The following ANKRD13B variants were observed in gnomAD, a reference collection of about 807,000 sequenced individuals.
ANKRD13B encodes the protein ankyrin repeat domain-containing protein 13B.
A neutral mutation model predicts 74.4 loss-of-function variants in ANKRD13B; 33 were observed. The observed-to-expected ratio is 0.44, with a 90% CI of 0.34 to 0.59. ANKRD13B has a LOEUF of 0.59. Ranked by LOEUF, ANKRD13B falls within the 20% of genes least tolerant of loss-of-function variation. ANKRD13B has a pLI of 0.02. For missense variants in ANKRD13B, 676 were observed against 877.9 expected, an observed-to-expected ratio of 0.77 and a Z score of 2.91; for synonymous variants, 341 against 362.9, an observed-to-expected ratio of 0.94 and a Z score of 0.68.
rs1415772492 is a variant in ANKRD13B, at chr17:29,612,540, G to A, written c.1397G>A (p.Ser466Asn). ...GGCAGCGACTCCTCCAGCGTCAGCA[G>A]CTCCAGCTCCACGAGTGAGGCCCCC... The part of the protein sequence containing the change: ...SPGSDSSSVS[S>N]SSSTTSCRGC... The change falls in exon 12 of 15, where the codon AGC (serine) becomes AAC (asparagine). Residue 466 changes from serine (S) to asparagine (N), a missense_variant. Ser to Asn is a conservative substitution (Grantham distance 46). Coordinates refer to ENST00000394859, the MANE Select transcript of ANKRD13B (RefSeq NM_152345.5). This position sits in a 1 kb window ranked among gnomAD's most constrained non-coding sequence, Gnocchi z 6.1. 3 of 1,453,982 alleles carry A rather than the reference G, an allele frequency of 2.1e-6. No homozygotes were observed. The highest frequency in any genetic ancestry group is 9.2e-7 in the Non-Finnish European group (1 of 1,088,612). The allele number at this position is 1,453,982 out of a possible 1,614,324, so 90.1% of individuals were successfully genotyped here. A position where few individuals can be genotyped will look rare whatever the true frequency, so the allele number is the denominator to read the frequency against.
chr17:29,598,241 G>GA (rs1359840548), intron 1 of ANKRD13B, among the ~76,000 whole-genome samples: 2 of 152,062 alleles, frequency 1.3e-5, no homozygotes, highest in East Asian at 3.9e-4. Context: ...CCAGTATATT[G>GA]AAAAATGAAG....
At chr17:29,602,162 G>A (rs1297533197) in intron 1 of ANKRD13B, among the ~76,000 whole-genome samples, 1 of 152,148 alleles carries the variant, frequency 6.6e-6, no homozygotes, top group East Asian at 1.9e-4. Context: ...TTGGGAGGCC[G>A]AGGCGGGCGG....
At chr17:29,610,812 G>A (rs1334796152) in intron 8 of ANKRD13B, 46 bp downstream of exon 8, 2 of 1,580,688 alleles carry the variant, frequency 1.3e-6, no homozygotes, top group Non-Finnish European at 1.7e-6. Context: ...AGGACTGCGG[G>A]AACCAGCTCC....
chr17:29,603,369 G>A (rs920343588), intron 1 of ANKRD13B, among the ~76,000 whole-genome samples: 4 of 151,994 alleles, frequency 2.6e-5, no homozygotes, highest in Non-Finnish European at 5.9e-5. Flanking sequence ...AGCTTCAGAG[G>A]AGCTGGGACT....
rs753338763 is a variant in ANKRD13B, at chr17:29,612,020, C to G, written c.1100+14C>G. On this transcript the variant is annotated intron_variant, in intron 10 of 14. Coordinates refer to ENST00000394859, the MANE Select transcript of ANKRD13B (RefSeq NM_152345.5). The surrounding 1 kb of genome is among the most constrained non-coding windows in gnomAD (Gnocchi z 6.1). ...CAAGACACAGAAGTGAGGCCCCTGCCGGTGCTGGGAAGGTGGGGGGCCGGG... is the reference window on the plus strand; with the variant it reads ...CAAGACACAGAAGTGAGGCCCCTGCGGGTGCTGGGAAGGTGGGGGGCCGGG... The G allele has an allele frequency of 6.2e-7, 1 of 1,610,542 alleles. No individual in the cohort carries two copies. Among genetic ancestry groups the G allele is most frequent in the Non-Finnish European group, 8.5e-7 (1 of 1,178,166 alleles).
At chr17:29,598,721 T>C (rs2034048688) in intron 1 of ANKRD13B, among the ~76,000 whole-genome samples, 1 of 152,012 alleles carries the variant, frequency 6.6e-6, no homozygotes, top group Non-Finnish European at 1.5e-5. Flanking sequence ...CTAATTTTTG[T>C]ATTTTTTTTT....
chr17:29,612,309 C>A lies in ANKRD13B; in HGVS notation c.1258+36C>A. 6.2e-7 allele frequency: 1 copy of A among 1,612,254 alleles called. No individual in the cohort carries two copies. Among genetic ancestry groups the A allele is most frequent in the Non-Finnish European group, 8.5e-7 (1 of 1,178,710 alleles). ...ACGGCCATTTCTCCTGAGCCCGTGG[C>A]GGGCCGACCGGGGTTTAGATGAGGT... On this transcript the variant is annotated intron_variant, in intron 11 of 14. Coordinates refer to ENST00000394859, the MANE Select transcript of ANKRD13B (RefSeq NM_152345.5). This position sits in a 1 kb window ranked among gnomAD's most constrained non-coding sequence, Gnocchi z 6.1.
rs753764117 is a variant in ANKRD13B, at chr17:29,607,772, C to T, written c.145C>T (p.Arg49Trp). ...VDIEQLDPRG[R>W]TPLHLATTLG... ...CATCGAGCAGCTGGATCCCCGCGGC[C>T]GGACTCCCCTGCACCTGGCCACCAC... Residue 49 changes from arginine (R) to tryptophan (W), a missense_variant, in exon 2 of 15, where the codon CGG (arginine) becomes TGG (tryptophan). Physicochemically the swap from Arg to Trp is moderately radical, Grantham distance 101 (BLOSUM62 -3). Around this residue, in one of 4 missense-constraint regions of ANKRD13B, gnomAD observed 88 missense variants for 87.8 expected, o/e 1.00. Transcript: ENST00000394859. 1.2e-6 allele frequency: 2 copies of T among 1,601,520 alleles called. No individual in the cohort carries two copies. Among genetic ancestry groups the T allele is most frequent in the Non-Finnish European group, 1.7e-6 (2 of 1,179,652 alleles).
Position 29,614,761 on chromosome 17 carries a change from A to C in ANKRD13B, c.*1179A>C, listed in dbSNP as rs2034756594. ...ACAAATAAAAGAGGCTTCATACCGG[A>C]GGCTTTTGCTACCTAACTTTACTTG... is the stretch of plus-strand genomic sequence containing the variant. On this transcript the variant is annotated 3_prime_UTR_variant, in exon 15 of 15. Coordinates refer to ENST00000394859, the MANE Select transcript of ANKRD13B (RefSeq NM_152345.5). 1 of 152,518 alleles carries C rather than the reference A, an allele frequency of 6.6e-6. No individual in the cohort carries two copies. Among genetic ancestry groups the C allele is most frequent in the African/African-American group, 2.4e-5 (1 of 41,458 alleles). The allele number at this position is 152,518 out of a possible 1,614,324, so 9.4% of individuals were successfully genotyped here. A position where few individuals can be genotyped will look rare whatever the true frequency, so the allele number is the denominator to read the frequency against.
intron 1 of ANKRD13B, among the ~76,000 whole-genome samples, chr17:29,597,788 TG>T (rs2034005719): frequency 6.6e-6 from 1 of 152,020 alleles, no homozygotes; most frequent in Admixed American, 6.6e-5. Flanking sequence ...ATGGGGTGTA[TG>T]GGGTGCTGAG....
chr17:29,593,617 G>C lies in ANKRD13B; in HGVS notation c.-5G>C, dbSNP rs1243008958. 2.1e-5 allele frequency: 28 copies of C among 1,342,304 alleles called. No homozygotes were observed. The highest frequency in any genetic ancestry group is 2.5e-5 in the Non-Finnish European group (26 of 1,030,688). 83.1% of individuals were successfully genotyped at this position (1,342,304 alleles called of 1,614,324 possible). On this transcript the variant is annotated 5_prime_UTR_variant, in exon 1 of 15. Coordinates refer to ENST00000394859, the MANE Select transcript of ANKRD13B (RefSeq NM_152345.5). ...GCGCCGCGGCCCCGGCATGAGGAGC[G>C]GGCGATGATCCCCGCCAACGCCTCC...
chr17:29,605,970 T>G (rs1192649006), intron 1 of ANKRD13B, among the ~76,000 whole-genome samples: 2 of 151,656 alleles, frequency 1.3e-5, no homozygotes, highest in African/African-American at 4.8e-5. Flanking sequence ...TGGAGTGCAG[T>G]GGCATGATCT....
intron 1 of ANKRD13B, among the ~76,000 whole-genome samples, chr17:29,597,340 C>T (rs1014661610): frequency 2.0e-4 from 30 of 152,198 alleles, no homozygotes; most frequent in Admixed American, 1.6e-3. Flanking sequence ...CAGAAGGCAG[C>T]TGGGCATGCA....
chr17:29,606,728 T>TAA lies in ANKRD13B; in HGVS notation c.115-983_115-982dup, dbSNP rs370548766. On this transcript the variant is annotated intron_variant, in intron 1 of 14. Transcript: ENST00000394859. ...TGACATAGTGAGACCCTGTCTCAAGTAAAAAAAAAAAAAAAAAAAAAAAAA... is the reference window on the plus strand; with the variant it reads ...TGACATAGTGAGACCCTGTCTCAAGTAAAAAAAAAAAAAAAAAAAAAAAAAAA... 1.8e-3 allele frequency among the ~76,000 whole-genome samples: 116 copies of TAA among 62,954 alleles called. 2 individuals carry two copies. Among genetic ancestry groups the TAA allele is most frequent in the Admixed American group, 7.1e-3 (33 of 4,650 alleles). 41.3% of individuals were successfully genotyped at this position (62,954 alleles called of 152,430 possible). A position where few individuals can be genotyped will look rare whatever the true frequency, so the allele number is the denominator to read the frequency against.
intron 1 of ANKRD13B, among the ~76,000 whole-genome samples, chr17:29,603,473 C>T (rs944246543): frequency 6.6e-6 from 1 of 151,986 alleles, no homozygotes. Flanking sequence ...ATTGCCTGGG[C>T]TGGTCTTAAA....
chr17:29,598,287 A>G (rs532010487), intron 1 of ANKRD13B, among the ~76,000 whole-genome samples: 9 of 152,288 alleles, frequency 5.9e-5, no homozygotes, highest in African/African-American at 1.9e-4. Flanking sequence ...TTATATAAAT[A>G]ATCTTAAATT....
chr17:29,601,126 A>G (rs915481281), intron 1 of ANKRD13B, among the ~76,000 whole-genome samples: 6 of 150,088 alleles, frequency 4.0e-5, no homozygotes, highest in African/African-American at 1.5e-4. Context: ...GTTTCACCAC[A>G]TTGCCCACGC....
In ANKRD13B at chr17:29,609,028, C is replaced by T. The variant is rs748120455; in HGVS notation, c.565+34C>T. ...GGCAGGAAGTGGGGCAGGGTGGGGA[C>T]GATGGGAGGCAGCCCCAGGCCACCC... On this transcript the variant is annotated intron_variant, in intron 5 of 14. Coordinates refer to ENST00000394859, the MANE Select transcript of ANKRD13B (RefSeq NM_152345.5). The surrounding 1 kb of genome is among the most constrained non-coding windows in gnomAD (Gnocchi z 4.0). The T allele has an allele frequency of 6.2e-6, 10 of 1,613,322 alleles. No homozygotes were observed. Among genetic ancestry groups the T allele is most frequent in the South Asian group, 4.4e-5 (4 of 91,062 alleles).
Position 29,613,536 on chromosome 17 carries a change from A to T in ANKRD13B, c.1835A>T (p.Glu612Val). The change falls in exon 15 of 15, where the codon GAG becomes GTG. Residue 612 changes from glutamate to valine, a missense_variant. This residue lies in a region of ANKRD13B where 108 missense variants were observed against 90.3 expected (regional missense o/e 1.20). Coordinates refer to ENST00000394859, the MANE Select transcript of ANKRD13B (RefSeq NM_152345.5). ...AGGCGGCGGCGCGCGCGCCAGGAGGAGGAGGAGCTGGAGCGCATCCTGAGG... is the reference window on the plus strand; with the variant it reads ...AGGCGGCGGCGCGCGCGCCAGGAGGTGGAGGAGCTGGAGCGCATCCTGAGG... Reference protein sequence around the residue: ...EERRRRARQEEEELERILRLS... With the variant: ...EERRRRARQEVEELERILRLS... 6.6e-7 allele frequency: 1 copy of T among 1,523,268 alleles called. No individual in the cohort carries two copies. Among genetic ancestry groups the T allele is most frequent in the Non-Finnish European group, 8.8e-7 (1 of 1,138,112 alleles). The allele number at this position is 1,523,268 out of a possible 1,614,324, so 94.4% of individuals were successfully genotyped here. A position where few individuals can be genotyped will look rare whatever the true frequency, so the allele number is the denominator to read the frequency against.
Sources: allele counts gnomAD v4.1 joint callset (sites outside exome capture counted in the v4.1 genomes callset), GRCh38; gene constraint gnomAD v4.1.1; regional missense constraint gnomAD v4.1.1; non-coding constraint Gnocchi (gnomAD v3.1); transcripts MANE v1.5; gene names NCBI Gene and HGNC (gene_info 2026-07-23, HGNC 2026-07-21).